CAST: variants seen among roughly 807,000 people sequenced by gnomAD.
The protein encoded by CAST is calpastatin.
CAST carries 76 observed loss-of-function variants against 119.6 expected under a neutral mutation model. That is an observed-to-expected ratio of 0.64 (90% CI 0.53 to 0.77). The LOEUF (loss-of-function observed/expected upper bound fraction) is 0.77. CAST is among the 30% of genes least tolerant of loss of function. The pLI, the probability that CAST is intolerant of heterozygous loss-of-function variation, is 0.00. For missense variants in CAST, 953 were observed against 946.5 expected (o/e 1.01, Z -0.09); for synonymous variants, 319 against 331.6 (o/e 0.96, Z 0.41).
At chr5:95,979,736 T>A in the CAST span, among the ~76,000 whole-genome samples, 2 of 152,214 alleles carry the variant, frequency 1.3e-5, no homozygotes, top group African/African-American at 4.8e-5. Flanking sequence ...CCCTATAACC[T>A]AAATCCTTTC....
chr5:96,413,675 C>G, the CAST span, among the ~76,000 whole-genome samples: 1 of 151,646 alleles, frequency 6.6e-6, no homozygotes, highest in Non-Finnish European at 1.5e-5. Context: ...TGGCACGCAC[C>G]TATAATCCCA....
chr5:96,286,695 G>A, the CAST span, among the ~76,000 whole-genome samples: 1 of 152,114 alleles, frequency 6.6e-6, no homozygotes, highest in East Asian at 1.9e-4. Flanking sequence ...AAGAAGGCTA[G>A]AGATTAACAT....
chr5:96,232,706 T>TA, the CAST span, among the ~76,000 whole-genome samples: 1 of 152,088 alleles, frequency 6.6e-6, no homozygotes, highest in Non-Finnish European at 1.5e-5. Flanking sequence ...AGGTTCCTAT[T>TA]AAAAATCTCA....
the CAST span, among the ~76,000 whole-genome samples, chr5:96,105,049 T>A: frequency 7.9e-6 from 1 of 126,894 alleles, no homozygotes; most frequent in African/African-American, 3.1e-5. Flanking sequence ...CTGTTATTGG[T>A]GTATAAGAAT....
chr5:96,734,352 C>T (rs1412546868), intron 9 of CAST, among the ~76,000 whole-genome samples: 1 of 152,084 alleles, frequency 6.6e-6, no homozygotes, highest in South Asian at 2.1e-4. Flanking sequence ...ATCCGAGCTG[C>T]AGAAGGATTA....
chr5:96,105,202 C>G, the CAST span, among the ~76,000 whole-genome samples: 1 of 151,550 alleles, frequency 6.6e-6, no homozygotes, highest in African/African-American at 2.4e-5. Flanking sequence ...TTGACTTCCT[C>G]TTTTCCTAAT....
intron 1 of CAST, chr5:96,663,182 T>G (rs1331806128): frequency 4.3e-6 from 3 of 702,704 alleles, no homozygotes; most frequent in Non-Finnish European, 7.8e-6. Flanking sequence ...TAGGAGCGGT[T>G]GTGCCTGGGC....
At chr5:96,373,057 A>G in the CAST span, among the ~76,000 whole-genome samples, 1 of 152,122 alleles carries the variant, frequency 6.6e-6, no homozygotes, top group African/African-American at 2.4e-5. Flanking sequence ...CTTAGCATCT[A>G]CTTGAATTCA....
chr5:96,293,270 C>T, the CAST span, among the ~76,000 whole-genome samples: 1 of 152,066 alleles, frequency 6.6e-6, no homozygotes. Flanking sequence ...AGGCTGGTCT[C>T]TAGATTTTGT....
chr5:96,036,252 A>G, the CAST span, among the ~76,000 whole-genome samples: 4 of 152,160 alleles, frequency 2.6e-5, no homozygotes, highest in African/African-American at 7.2e-5. Flanking sequence ...GAGTGAGACT[A>G]TTTACTGTAC....
In CAST at chr5:96,604,118, C is replaced by T. The variant is rs145745070; in HGVS notation, c.61-71421C>T. Among the ~76,000 whole-genome samples, 824 of 152,182 alleles carry T rather than the reference C, an allele frequency of 5.4e-3. 6 individuals carry two copies. The highest frequency in any genetic ancestry group is 0.011 in the African/African-American group (465 of 41,524). ...AAGGCAGCATTTACACTAGCATCAC[C>T]GCATGAGTAATGCATTGTGCTACAA... On this transcript the variant is annotated intron_variant, in intron 1 of 11. Transcript: ENST00000505143.
intron 1 of CAST, among the ~76,000 whole-genome samples, chr5:96,559,735 C>T (rs1249709011): frequency 6.6e-6 from 1 of 152,180 alleles, no homozygotes; most frequent in Non-Finnish European, 1.5e-5. Flanking sequence ...ACATTCCATG[C>T]TCATGGGTAG....
chr5:96,770,688 G>A, intron 30 of CAST, 86 bp downstream of exon 30: 1 of 890,026 alleles, frequency 1.1e-6, no homozygotes, highest in Non-Finnish European at 1.8e-6. Context: ...GTTTCCTACT[G>A]GAATCTATTT....
At chr5:96,226,669 A>T in the CAST span, among the ~76,000 whole-genome samples, 31 of 151,618 alleles carry the variant, frequency 2.0e-4, no homozygotes, top group Non-Finnish European at 3.1e-4. Flanking sequence ...AAAAAGATTT[A>T]AAAAAAAATC....
chr5:96,101,774 C>G, the CAST span, among the ~76,000 whole-genome samples: 2 of 152,200 alleles, frequency 1.3e-5, no homozygotes, highest in African/African-American at 4.8e-5. Flanking sequence ...AAGCGAGACT[C>G]CATCTTTACA....
chr5:96,256,157 G>A, the CAST span, among the ~76,000 whole-genome samples: 1 of 149,306 alleles, frequency 6.7e-6, no homozygotes, highest in African/African-American at 2.5e-5. Flanking sequence ...AATAATCAAG[G>A]CAGAACTGTA....
the CAST span, among the ~76,000 whole-genome samples, chr5:96,011,919 C>G: frequency 1.2e-3 from 183 of 152,094 alleles, no homozygotes; most frequent in Middle Eastern, 3.4e-3. Flanking sequence ...ACTACACAAA[C>G]CTAGAATGCA....
At chr5:96,585,862 G>T (rs1017236743) in intron 1 of CAST, among the ~76,000 whole-genome samples, 1 of 152,182 alleles carries the variant, frequency 6.6e-6, no homozygotes, top group Admixed American at 6.5e-5. Flanking sequence ...CTCGTCTTTG[G>T]TGTCCAAGGA....
intron 1 of CAST, among the ~76,000 whole-genome samples, chr5:96,655,314 G>A (rs1463795912): frequency 6.6e-6 from 1 of 152,228 alleles, no homozygotes; most frequent in Non-Finnish European, 1.5e-5. Context: ...CACGGGTCAT[G>A]CATGGTCCAG....
Sources: gnomAD v4.1 joint callset for allele counts (sites outside exome capture counted in the v4.1 genomes callset) on GRCh38, gnomAD v4.1.1 for gene constraint, MANE v1.5 for transcripts, NCBI Gene and HGNC (gene_info 2026-07-23, HGNC 2026-07-21) for gene names.